NR2F6: variants seen among roughly 807,000 people sequenced by gnomAD.
NR2F6 encodes nuclear receptor subfamily 2 group F member 6, also known as ERBA-related gene-2.
A neutral mutation model predicts 26.5 loss-of-function variants in NR2F6; 16 were observed. The observed-to-expected ratio is 0.60, with a 90% CI of 0.41 to 0.92. The LOEUF (loss-of-function observed/expected upper bound fraction) is 0.92. Among genes scored for constraint, NR2F6 ranks in the 40% least tolerant of loss-of-function variants. The pLI is 0.00. For missense variants in NR2F6, 536 were observed against 631.7 expected (o/e 0.85, Z 1.62); for synonymous variants, 325 against 305.0 (o/e 1.07, Z -0.68).
chr19:17,235,967 C>A lies in NR2F6; in HGVS notation c.472G>T (p.Gly158Ter). 6.8e-7 allele frequency: 1 copy of A among 1,472,654 alleles called. No homozygotes were observed. The highest frequency in any genetic ancestry group is 1.3e-5 in the South Asian group (1 of 77,542). The allele number at this position is 1,472,654 out of a possible 1,614,324, so 91.2% of individuals were successfully genotyped here. A position where few individuals can be genotyped will look rare whatever the true frequency, so the allele number is the denominator to read the frequency against. ...ACCGGCTGCCCCGGGAAGAGGTCTC[C>A]GCCGCTCGCCACTGCCGCCAGCGCC... Reference protein sequence around the residue: ...GSALAAVASGGDLFPGQPVSE... With the variant: ...GSALAAVASG Residue 158 changes from glycine to a stop codon, truncating the protein, a stop_gained, in exon 3 of 4, where the codon GGA (glycine) becomes TGA (stop). Coordinates refer to ENST00000291442, the MANE Select transcript of NR2F6 (RefSeq NM_005234.4). LOFTEE classifies it high-confidence loss of function. The surrounding 1 kb of genome is among the most constrained non-coding windows in gnomAD (Gnocchi z 5.0).
chr19:17,235,834 A>G lies in NR2F6; in HGVS notation c.605T>C (p.Val202Ala). 6.8e-7 allele frequency: 1 copy of G among 1,479,672 alleles called. No individual in the cohort carries two copies. The highest frequency in any genetic ancestry group is 2.4e-5 in the Admixed American group (1 of 42,540). 91.7% of individuals were successfully genotyped at this position (1,479,672 alleles called of 1,614,324 possible). A position where few individuals can be genotyped will look rare whatever the true frequency, so the allele number is the denominator to read the frequency against. The change falls in exon 3 of 4, where the codon GTG becomes GCG. Residue 202 changes from valine to alanine, a missense_variant. Val to Ala is a moderately conservative substitution (Grantham distance 64, BLOSUM62 0). Coordinates refer to ENST00000291442, the MANE Select transcript of NR2F6 (RefSeq NM_005234.4). The surrounding 1 kb of genome is among the most constrained non-coding windows in gnomAD (Gnocchi z 5.0). ...AAGAVLGIDN[V>A]CELAARLLFS... ...GAGCAGCCGCGCCGCCAGCTCGCACACGTTGTCGATGCCCAGCACCGCGCC... is the reference window on the plus strand; with the variant it reads ...GAGCAGCCGCGCCGCCAGCTCGCACGCGTTGTCGATGCCCAGCACCGCGCC...
rs926933015 is a variant in NR2F6 at position 17,235,267 on chromosome 19, G to T, written c.940+232C>A. ...CCCAGCCTTGGGTCTGGGGTCCGGG[G>T]TTCAGAGTTCTCCGAGAGTCCTGGG... On this transcript the variant is annotated intron_variant, in intron 3 of 3. Coordinates refer to ENST00000291442, the MANE Select transcript of NR2F6 (RefSeq NM_005234.4). This position sits in a 1 kb window ranked among gnomAD's most constrained non-coding sequence, Gnocchi z 5.0. Among the ~76,000 whole-genome samples the T allele has an allele frequency of 5.9e-5, 9 of 152,234 alleles. No individual in the cohort carries two copies. The highest frequency in any genetic ancestry group is 2.2e-4 in the African/African-American group (9 of 41,476).
At chr19:17,232,812 G>A (rs1241293291) in intron 3 of NR2F6, among the ~76,000 whole-genome samples, 186 bp from the exon 4 acceptor site, 1 of 152,076 alleles carries the variant, frequency 6.6e-6, no homozygotes, top group African/African-American at 2.4e-5. Context: ...CAGGATTTGA[G>A]ACCAGCCAGG....
rs927908398 is a variant in NR2F6 at position 17,235,303 on chromosome 19, G to T, written c.940+196C>A. Among the ~76,000 whole-genome samples the T allele has an allele frequency of 7.2e-5, 11 of 152,232 alleles. No homozygotes were observed. Among genetic ancestry groups the T allele is most frequent in the Non-Finnish European group, 1.5e-4 (10 of 68,032 alleles). On this transcript the variant is annotated intron_variant, in intron 3 of 3. Coordinates refer to ENST00000291442, the MANE Select transcript of NR2F6 (RefSeq NM_005234.4). This position sits in a 1 kb window ranked among gnomAD's most constrained non-coding sequence, Gnocchi z 5.0. The stretch of plus-strand genomic sequence containing the variant: ...TCCGAGAGTCCTGGGATCACGGAGT[G>T]GGGGTGTCACAGTGTCACACTGCTT...
In NR2F6 at chr19:17,245,278, T is replaced by A. The variant is rs1417825828; in HGVS notation, c.-58A>T. The A allele has an allele frequency of 3.3e-6, 4 of 1,194,330 alleles. No individual in the cohort carries two copies. The highest frequency in any genetic ancestry group is 4.1e-6 in the Non-Finnish European group (4 of 963,966). The allele number at this position is 1,194,330 out of a possible 1,614,324, so 74.0% of individuals were successfully genotyped here. ...CCGCGCTCTTCCCTCCGGGCACCCC[T>A]CTCGGCCCGGGGGACCCTACGCGGC... On this transcript the variant is annotated 5_prime_UTR_variant, in exon 1 of 4. Transcript: ENST00000291442. This position sits in a 1 kb window ranked among gnomAD's most constrained non-coding sequence, Gnocchi z 5.0.
chr19:17,234,509 G>A (rs376932018), intron 3 of NR2F6, among the ~76,000 whole-genome samples: 2 of 152,220 alleles, frequency 1.3e-5, no homozygotes, highest in African/African-American at 4.8e-5. Context: ...ACCTCTGATG[G>A]GATCTAGAGA....
intron 1 of NR2F6, among the ~76,000 whole-genome samples, chr19:17,242,780 G>C (rs1488414524): frequency 6.6e-6 from 1 of 152,196 alleles, no homozygotes; most frequent in Non-Finnish European, 1.5e-5. Context: ...GGGAGGCCCT[G>C]AACCTTCAGT....
rs1213358565 is a variant in NR2F6, at chr19:17,245,757, T to A, written c.-537A>T. The A allele has an allele frequency of 6.9e-6, 1 of 145,064 alleles. No homozygotes were observed. Among genetic ancestry groups the A allele is most frequent in the African/African-American group, 2.5e-5 (1 of 40,366 alleles). 9.0% of individuals were successfully genotyped at this position (145,064 alleles called of 1,614,324 possible). On this transcript the variant is annotated 5_prime_UTR_variant, in exon 1 of 4. Transcript: ENST00000291442. This position sits in a 1 kb window ranked among gnomAD's most constrained non-coding sequence, Gnocchi z 5.0. ...CCCTGGGTCCCCCGGCGCCCGCGGCTGCCGCTCCGGGCCTGCAGGGCCGCT... is the reference window on the plus strand; with the variant it reads ...CCCTGGGTCCCCCGGCGCCCGCGGCAGCCGCTCCGGGCCTGCAGGGCCGCT...
intron 2 of NR2F6, among the ~76,000 whole-genome samples, chr19:17,236,940 A>G (rs2073442075): frequency 6.6e-6 from 1 of 152,230 alleles, no homozygotes; most frequent in South Asian, 2.1e-4. Context: ...ATGAAGAGGA[A>G]GAGAGTTGGC....
chr19:17,233,013 G>T (rs1568315766), intron 3 of NR2F6, among the ~76,000 whole-genome samples: 1 of 152,184 alleles, frequency 6.6e-6, no homozygotes, highest in Non-Finnish European at 1.5e-5. Context: ...GCCAGGCATG[G>T]TAGTGCGTGC....
At chr19:17,239,109 C>T (rs568754924) in intron 2 of NR2F6, among the ~76,000 whole-genome samples, 90 of 152,154 alleles carry the variant, frequency 5.9e-4, no homozygotes, top group African/African-American at 1.9e-3. Flanking sequence ...GAGGCCGAGG[C>T]GGGCAGATCA....
intron 1 of NR2F6, among the ~76,000 whole-genome samples, chr19:17,242,264 G>C (rs966335817): frequency 6.6e-6 from 1 of 152,210 alleles, no homozygotes; most frequent in Non-Finnish European, 1.5e-5. Context: ...GTTGCAGTGA[G>C]TTGAGATCAC....
In NR2F6 at chr19:17,235,213, G is replaced by C. The variant is rs1051172125; in HGVS notation, c.940+286C>G. Among the ~76,000 whole-genome samples the C allele has an allele frequency of 6.6e-6, 1 of 152,248 alleles. No homozygotes were observed. Among genetic ancestry groups the C allele is most frequent in the African/African-American group, 2.4e-5 (1 of 41,478 alleles). On this transcript the variant is annotated intron_variant, in intron 3 of 3. Transcript: ENST00000291442. This position sits in a 1 kb window ranked among gnomAD's most constrained non-coding sequence, Gnocchi z 5.0. ...CTCAGGGAGCCTGGGAACAGGAAGA[G>C]GGTTCTGGGGTCTGGGCCCTGGTCC...
Position 17,235,367 on chromosome 19 carries a change from CGGCGCGTGCAGGGCCCCAGGCCTAG to C in NR2F6, c.940+107_940+131del. The C allele has an allele frequency of 1.4e-6, 2 of 1,458,910 alleles. No individual in the cohort carries two copies. Among genetic ancestry groups the C allele is most frequent in the Non-Finnish European group, 1.8e-6 (2 of 1,111,744 alleles). 90.4% of individuals were successfully genotyped at this position (1,458,910 alleles called of 1,614,324 possible). ...ACAGCCACCCAAGAGCGTTCACTCA[CGGCGCGTGCAGGGCCCCAGGCCTAG>C]GGAGCGAGCGGGGCGCTATGGGGGC... On this transcript the variant is annotated intron_variant, in intron 3 of 3. Coordinates refer to ENST00000291442, the MANE Select transcript of NR2F6 (RefSeq NM_005234.4). This position sits in a 1 kb window ranked among gnomAD's most constrained non-coding sequence, Gnocchi z 5.0.
intron 2 of NR2F6, among the ~76,000 whole-genome samples, chr19:17,236,671 C>T (rs941842239): frequency 1.3e-5 from 2 of 152,180 alleles, no homozygotes; most frequent in African/African-American, 2.4e-5. Context: ...TCCTATGGAA[C>T]AGGGATCATT....
chr19:17,240,757 C>T lies in NR2F6; in HGVS notation c.287G>A (p.Arg96His), dbSNP rs1428284923. 13 of 1,613,938 alleles carry T rather than the reference C, an allele frequency of 8.1e-6. No homozygotes were observed. Among genetic ancestry groups the T allele is most frequent in the African/African-American group, 2.7e-5 (2 of 74,906 alleles). The change falls in exon 2 of 4, where the codon CGT becomes CAT. Residue 96 changes from arginine to histidine, a missense_variant. Coordinates refer to ENST00000291442, the MANE Select transcript of NR2F6 (RefSeq NM_005234.4). ...GTGGTGCTGGTCGATCTGGCAGTCA[C>T]GGTTGGACCTGGGGGCACACAGAAG... ...RNLSYTCRSN[R>H]DCQIDQHHRN...
At chr19:17,243,321 C>T (rs2073479099) in intron 1 of NR2F6, among the ~76,000 whole-genome samples, 1 of 152,202 alleles carries the variant, frequency 6.6e-6, no homozygotes, top group Non-Finnish European at 1.5e-5. Context: ...GAGCTGGGGT[C>T]TCTCTGGAGG....
chr19:17,237,269 C>A (rs749364593), intron 2 of NR2F6, among the ~76,000 whole-genome samples: 34 of 152,122 alleles, frequency 2.2e-4, no homozygotes, highest in Non-Finnish European at 3.8e-4. Flanking sequence ...AGCTTCCTCC[C>A]GCTTTGTTCA....
At position 17,235,178 on chromosome 19, in the gene NR2F6, G is replaced by A. The variant is rs1410481312; in HGVS notation, c.940+321C>T. 6.6e-6 allele frequency among the ~76,000 whole-genome samples: 1 copy of A among 152,238 alleles called. No individual in the cohort carries two copies. Among genetic ancestry groups the A allele is most frequent in the Non-Finnish European group, 1.5e-5 (1 of 68,036 alleles). ...AAGCCTGAAGAGCCCTTTGGTGAGG[G>A]AGTAGGGGTCTCAGGGAGCCTGGGA... On this transcript the variant is annotated intron_variant, in intron 3 of 3. Transcript: ENST00000291442. The surrounding 1 kb of genome is among the most constrained non-coding windows in gnomAD (Gnocchi z 5.0).
Sources: gnomAD v4.1 joint callset for allele counts (sites outside exome capture counted in the v4.1 genomes callset) on GRCh38, gnomAD v4.1.1 for gene constraint, Gnocchi (gnomAD v3.1) non-coding constraint, MANE v1.5 for transcripts, NCBI Gene and HGNC (gene_info 2026-07-23, HGNC 2026-07-21) for gene names.